The following KLC4 variants were observed in gnomAD, a reference collection of about 807,000 sequenced individuals.
The protein encoded by KLC4 is kinesin light chain 4, also known as kinesin-like protein 8.
A neutral mutation model predicts 77.2 loss-of-function variants in KLC4; 49 were observed. That is an observed-to-expected ratio of 0.63 (90% CI 0.50 to 0.80). The LOEUF is 0.80. KLC4 is among the 30% of genes least tolerant of loss of function. KLC4 has a pLI of 0.00. For missense variants in KLC4, 669 were observed against 793.5 expected (o/e 0.84, Z 1.89); for synonymous variants, 274 against 314.5 (o/e 0.87, Z 1.36).
Position 43,071,896 on chromosome 6 carries a change from C to T in KLC4, c.1353C>T (p.Gly451=), listed in dbSNP as rs749389976. 20 of 1,611,822 alleles carry T rather than the reference C, an allele frequency of 1.2e-5. No individual in the cohort carries two copies. The Admixed American group carries it at 3.3e-4, about 27-fold the overall frequency. Reference sequence around the variant, plus strand: ...GGACACCCTATGCTGAGTATGGAGGCTGGTACAAGGCCTGCAAAGTGAGCA... The same window carrying T: ...GGACACCCTATGCTGAGTATGGAGGTTGGTACAAGGCCTGCAAAGTGAGCA... ...EGGTPYAEYG[G]WYKACKVSSP... Residue 451 remains glycine (G), a synonymous_variant, in exon 11 of 16, where the codon GGC becomes GGT. Coordinates refer to ENST00000347162, the MANE Select transcript of KLC4 (RefSeq NM_201521.3).
chr6:43,072,864 T>G lies in KLC4; in HGVS notation c.1529T>G (p.Leu510Arg). The change falls in exon 13 of 16, where the codon CTT (leucine) becomes CGT (arginine). Residue 510 changes from leucine (L) to arginine (R), a missense_variant. Transcript: ENST00000347162. The part of the protein sequence containing the change: ...PISQTKVAEL[L>R]GESDGRRTSQ... ...AGCCAGACGAAGGTGGCAGAGCTGC[T>G]TGGGGAGAGTGATGGTAGAAGGACC... 3.1e-6 allele frequency: 5 copies of G among 1,613,766 alleles called. No individual in the cohort carries two copies. The highest frequency in any genetic ancestry group is 4.2e-6 in the Non-Finnish European group (5 of 1,179,850).
intron 6 of KLC4, 139 bp downstream of exon 6, chr6:43,067,222 TC>T (rs1310999760): frequency 7.0e-7 from 1 of 1,429,338 alleles, no homozygotes; most frequent in Non-Finnish European, 9.3e-7. Flanking sequence ...AGTCCTTTCT[TC>T]CAGGCACTGT....
At position 43,066,540 on chromosome 6, in the gene KLC4, C is replaced by T. The variant is rs372124731; in HGVS notation, c.791+15C>T. 455 of 1,597,862 alleles carry T rather than the reference C, an allele frequency of 2.8e-4. 1 individual carries two copies. The highest frequency in any genetic ancestry group is 3.5e-4 in the Non-Finnish European group (404 of 1,167,188). ...TTGGTGTATCGGTGAGGACTTCCCTCCTCCAGTGCCCAGATCTTCCCCCAC... is the reference window on the plus strand; with the variant it reads ...TTGGTGTATCGGTGAGGACTTCCCTTCTCCAGTGCCCAGATCTTCCCCCAC... On this transcript the variant is annotated intron_variant, in intron 5 of 15. Transcript: ENST00000347162.
chr6:43,060,309 C>G (rs1765077432), intron 1 of KLC4: 3 of 1,612,298 alleles, frequency 1.9e-6, no homozygotes, highest in African/African-American at 2.7e-5. Context: ...CTCTCTCATT[C>G]CCTTCCTGGG....
In KLC4 at chr6:43,074,937, C is replaced by T; in HGVS notation, c.*265C>T. 2.1e-6 allele frequency: 1 copy of T among 472,580 alleles called. No individual in the cohort carries two copies. The highest frequency in any genetic ancestry group is 3.8e-6 in the Non-Finnish European group (1 of 261,100). The allele number at this position is 472,580 out of a possible 1,614,324, so 29.3% of individuals were successfully genotyped here. On this transcript the variant is annotated 3_prime_UTR_variant, in exon 16 of 16. Transcript: ENST00000347162. ...CAAGGTGGGTACAAAGCAGGTATGG[C>T]CCTCAGAGATGCAGCCTGCTGCTGG...
In KLC4 at chr6:43,067,024, C is replaced by T; in HGVS notation, c.820C>T (p.His274Tyr). Residue 274 changes from histidine (H) to tyrosine (Y), a missense_variant, in exon 6 of 16, where the codon CAC becomes TAC. His to Tyr is a moderately conservative substitution (Grantham distance 83, BLOSUM62 2). Transcript: ENST00000347162. ...CCAGAATAAGTATAAGGAAGCTGCC[C>T]ACCTGCTGAATGATGCCCTTAGCAT... ...RDQNKYKEAA[H>Y]LLNDALSIRE... 6.2e-7 allele frequency: 1 copy of T among 1,613,906 alleles called. No individual in the cohort carries two copies. The highest frequency in any genetic ancestry group is 8.5e-7 in the Non-Finnish European group (1 of 1,179,874).
At chr6:43,066,655 G>GGGAGGAGA in intron 5 of KLC4, 130 bp downstream of exon 5, 1 of 756,594 alleles carries the variant, frequency 1.3e-6, no homozygotes, top group Non-Finnish European at 2.1e-6. Flanking sequence ...CACCCCAACA[G>GGGAGGAGA]GGTGCTTCTT....
chr6:43,070,737 C>G lies in KLC4; in HGVS notation c.1027C>G (p.Leu343Val), dbSNP rs771288012. The G allele has an allele frequency of 6.2e-7, 1 of 1,613,998 alleles. No individual in the cohort carries two copies. The highest frequency in any genetic ancestry group is 1.3e-5 in the African/African-American group (1 of 74,928). The change falls in exon 8 of 16, where the codon CTG becomes GTG. Residue 343 changes from leucine to valine, a missense_variant. Coordinates refer to ENST00000347162, the MANE Select transcript of KLC4 (RefSeq NM_201521.3). ...HPDVAKQLNN[L>V]ALLCQNQGKY... The stretch of plus-strand genomic sequence containing the variant: ...AGATGTGGCAAAACAGCTGAACAAC[C>G]TGGCCCTCTTGTGCCAAAACCAGGG...
chr6:43,060,685 A>T, intron 1 of KLC4: 1 of 1,011,614 alleles, frequency 9.9e-7, no homozygotes, highest in South Asian at 2.7e-5. Flanking sequence ...GGTGGGAAGT[A>T]TGGGTTGAAG....
chr6:43,065,769 C>T (rs1377881998), intron 4 of KLC4, 68 bp downstream of exon 4: 7 of 1,048,548 alleles, frequency 6.7e-6, no homozygotes, highest in Middle Eastern at 2.9e-4. Flanking sequence ...TGTGGCCCAC[C>T]CTGTACACAG....
intron 1 of KLC4, chr6:43,060,494 G>T: frequency 7.4e-7 from 1 of 1,346,092 alleles, no homozygotes; most frequent in Non-Finnish European, 9.6e-7. Context: ...GGGTGGGAAC[G>T]CTGGACTTCT....
intron 1 of KLC4, 54 bp from the exon 2 acceptor site, chr6:43,061,257 C>T (rs1426191406): frequency 1.9e-6 from 3 of 1,543,128 alleles, no homozygotes; most frequent in East Asian, 2.3e-5. Flanking sequence ...GAGAAAGTTG[C>T]TCAGCTTCTC....
intron 1 of KLC4, chr6:43,060,299 C>G: frequency 1.9e-6 from 3 of 1,613,114 alleles, no homozygotes; most frequent in Non-Finnish European, 2.5e-6. Context: ...TTAAGTCTCT[C>G]TCTCTCATTC....
In KLC4 at chr6:43,066,190, T is replaced by G. The variant is rs1030010236; in HGVS notation, c.572-116T>G. ...ATAGCACTTGAGGCAGGTCTAATAT[T>G]GAGAGTCCAGGTTGGGGTGGGCACA... On this transcript the variant is annotated intron_variant, in intron 4 of 15. Coordinates refer to ENST00000347162, the MANE Select transcript of KLC4 (RefSeq NM_201521.3). 1.6e-5 allele frequency: 13 copies of G among 836,406 alleles called. No individual in the cohort carries two copies. In the African/African-American group the frequency reaches 2.2e-4, roughly 14 times the overall value. 51.8% of individuals were successfully genotyped at this position (836,406 alleles called of 1,614,324 possible).
In KLC4 at chr6:43,067,926, A is replaced by C. The variant is rs1378183093; in HGVS notation, c.879+843A>C. Reference sequence around the variant, plus strand: ...AGGAGATCGAGACCATCCTGGCTAAAACGGTGAAACCCCGTCTCTACTAAA... The same window carrying C: ...AGGAGATCGAGACCATCCTGGCTAACACGGTGAAACCCCGTCTCTACTAAA... On this transcript the variant is annotated intron_variant, in intron 6 of 15. Coordinates refer to ENST00000347162, the MANE Select transcript of KLC4 (RefSeq NM_201521.3). Among the ~76,000 whole-genome samples the C allele has an allele frequency of 2.5e-4, 25 of 102,040 alleles. 1 individual carries two copies. Among genetic ancestry groups the C allele is most frequent in the East Asian group, 8.8e-4 (3 of 3,410 alleles). The allele number at this position is 102,040 out of a possible 152,430, so 66.9% of individuals were successfully genotyped here.
intron 6 of KLC4, 127 bp downstream of exon 6, chr6:43,067,210 G>A: frequency 3.5e-6 from 5 of 1,437,960 alleles, no homozygotes; most frequent in Non-Finnish European, 4.6e-6. Flanking sequence ...GGAGGCATAA[G>A]AAGTCCTTTC....
chr6:43,071,687 C>A (rs997795359), intron 10 of KLC4, 68 bp downstream of exon 10: 3 of 1,529,554 alleles, frequency 2.0e-6, no homozygotes, highest in Non-Finnish European at 2.7e-6. Flanking sequence ...TTACTCCTTG[C>A]ATTAGCCCAA....
chr6:43,070,899 C>CGGA (rs1765685885), intron 8 of KLC4, 34 bp downstream of exon 8: 1 of 1,087,954 alleles, frequency 9.2e-7, no homozygotes, highest in Non-Finnish European at 1.2e-6. Flanking sequence ...GTGGAAGAAA[C>CGGA]GGAGAGGGGG....
chr6:43,061,212 C>T, intron 1 of KLC4, 99 bp from the exon 2 acceptor site: 1 of 1,287,804 alleles, frequency 7.8e-7, no homozygotes, highest in East Asian at 2.3e-5. Flanking sequence ...GTCACTCTTA[C>T]TTTTGTCCCT....
Sources: allele counts gnomAD v4.1 joint callset (sites outside exome capture counted in the v4.1 genomes callset), GRCh38; gene constraint gnomAD v4.1.1; transcripts MANE v1.5; gene names NCBI Gene and HGNC (gene_info 2026-07-23, HGNC 2026-07-21).